The following ARFGEF1 variants were observed in gnomAD, a reference collection of about 807,000 sequenced individuals.
The protein encoded by ARFGEF1 is brefeldin A-inhibited guanine nucleotide-exchange protein 1.
In ARFGEF1, 42 loss-of-function variants were observed where a neutral mutation model predicts 231.0. That is an observed-to-expected ratio of 0.18 (90% CI 0.14 to 0.24). ARFGEF1 has a LOEUF of 0.24. Ranked by LOEUF, ARFGEF1 falls within the 10% of genes least tolerant of loss-of-function variation. The pLI is 1.00. For missense variants in ARFGEF1, 1,345 were observed against 2,192.0 expected (o/e 0.61, Z 7.72); for synonymous variants, 710 against 732.3 (o/e 0.97, Z 0.49).
downstream of ARFGEF1, chr8:67,195,442 C>T (rs1263195871): frequency 5.0e-6 from 8 of 1,614,198 alleles, no homozygotes; most frequent in Non-Finnish European, 6.8e-6. Flanking sequence ...GATGACGGAT[C>T]AAACTCTGTA....
chr8:67,337,005 C>A (rs1442617271), intron 1 of ARFGEF1, among the ~76,000 whole-genome samples: 1 of 151,786 alleles, frequency 6.6e-6, no homozygotes, highest in Non-Finnish European at 1.5e-5. Flanking sequence ...GGTAGCGCTA[C>A]ACGAGATTAG....
At chr8:67,238,610 C>A in intron 21 of ARFGEF1, 117 bp from the exon 22 acceptor site, 1 of 1,418,066 alleles carries the variant, frequency 7.1e-7, no homozygotes, top group Non-Finnish European at 9.5e-7. Context: ...TTTTAAAAAG[C>A]TAAACGTACT....
intron 7 of ARFGEF1, among the ~76,000 whole-genome samples, chr8:67,281,023 A>G (rs142866097): frequency 7.3e-6 from 1 of 136,254 alleles, no homozygotes; most frequent in South Asian, 2.3e-4. Flanking sequence ...AAAGTGCTAT[A>G]AAAAAAAAAA....
At chr8:67,317,360 A>C (rs1298871410) in intron 1 of ARFGEF1, among the ~76,000 whole-genome samples, 1 of 152,116 alleles carries the variant, frequency 6.6e-6, no homozygotes, top group Admixed American at 6.6e-5. Context: ...CTGGTATCTG[A>C]AGTGAAAACA....
intron 14 of ARFGEF1, among the ~76,000 whole-genome samples, chr8:67,265,456 A>G (rs1233127143): frequency 1.3e-5 from 2 of 152,194 alleles, no homozygotes; most frequent in African/African-American, 2.4e-5. Flanking sequence ...GGTGACATTC[A>G]CAAAGGAAAT....
intron 35 of ARFGEF1, among the ~76,000 whole-genome samples, 198 bp downstream of exon 35, chr8:67,204,482 T>C (rs1020103409): frequency 1.3e-5 from 2 of 152,192 alleles, no homozygotes; most frequent in Admixed American, 1.3e-4. Context: ...ATGAGGTCCC[T>C]AGTAATCAGT....
intron 1 of ARFGEF1, among the ~76,000 whole-genome samples, chr8:67,342,541 C>T (rs561616910): frequency 1.3e-5 from 2 of 152,208 alleles, no homozygotes; most frequent in Admixed American, 1.3e-4. Context: ...CACCCTCACC[C>T]CTTAACCACC....
Position 67,266,164 on chromosome 8 carries a change from G to T in ARFGEF1, c.1965C>A (p.His655Gln). 1.2e-6 allele frequency: 2 copies of T among 1,613,552 alleles called. No homozygotes were observed. Among genetic ancestry groups the T allele is most frequent in the Non-Finnish European group, 1.7e-6 (2 of 1,179,812 alleles). The change falls in exon 14 of 39, where the codon CAC (histidine) becomes CAA (glutamine). Residue 655 changes from histidine (H) to glutamine (Q), a missense_variant. This residue lies in a region of ARFGEF1 where 105 missense variants were observed against 159.3 expected (regional missense o/e 0.66). Coordinates refer to ENST00000262215, the MANE Select transcript of ARFGEF1 (RefSeq NM_006421.5). ...PSEQEMSEIK[H>Q]PETINRYGSL... Reference sequence around the variant, plus strand: ...TTCCGTATCTGTTTATTGTCTCAGGGTGTTTGATTTCACTCATCTCTTGCT... The same window carrying T: ...TTCCGTATCTGTTTATTGTCTCAGGTTGTTTGATTTCACTCATCTCTTGCT...
At chr8:67,236,363 A>ATAT (rs1298123826) in intron 22 of ARFGEF1, among the ~76,000 whole-genome samples, 7 of 37,680 alleles carry the variant, frequency 1.9e-4, no homozygotes, top group Admixed American at 5.7e-4. Flanking sequence ...AAAAAAAAAA[A>ATAT]AAATATATAT....
chr8:67,176,583 T>C (rs1244950539), intron 5 of ARFGEF1, among the ~76,000 whole-genome samples: 1 of 152,200 alleles, frequency 6.6e-6, no homozygotes, highest in Non-Finnish European at 1.5e-5. Flanking sequence ...TCAACCTTTG[T>C]ACCCAGTCTG....
chr8:67,324,829 C>A lies in ARFGEF1; in HGVS notation c.124+18335G>T, dbSNP rs921328234. On this transcript the variant is annotated intron_variant, in intron 1 of 38. Transcript: ENST00000262215. Reference sequence around the variant, plus strand: ...AAAAGTATTTACATTAGCTTTTAATCCCATGGTAAAACTGGAGTTCACAGT... The same window carrying A: ...AAAAGTATTTACATTAGCTTTTAATACCATGGTAAAACTGGAGTTCACAGT... 2.6e-5 allele frequency among the ~76,000 whole-genome samples: 4 copies of A among 152,088 alleles called. No individual in the cohort carries two copies. In the East Asian group the frequency reaches 7.7e-4, roughly 29 times the overall value.
chr8:67,217,142 T>C (rs1034073446), intron 32 of ARFGEF1, among the ~76,000 whole-genome samples: 29 of 151,872 alleles, frequency 1.9e-4, no homozygotes, highest in African/African-American at 6.5e-4. Flanking sequence ...CCATCTCAAC[T>C]AAAAATACAA....
chr8:67,252,145 G>A (rs1034751732), intron 18 of ARFGEF1, among the ~76,000 whole-genome samples: 7 of 151,984 alleles, frequency 4.6e-5, no homozygotes, highest in Admixed American at 2.0e-4. Context: ...GGTGGCGCAC[G>A]CCTGTAATCC....
intron 34 of ARFGEF1, among the ~76,000 whole-genome samples, chr8:67,209,901 C>T (rs2129577707): frequency 6.6e-6 from 1 of 152,002 alleles, no homozygotes; most frequent in East Asian, 1.9e-4. Flanking sequence ...GCCTGTAATC[C>T]CAGCACTTTG....
chr8:67,226,098 T>C lies in ARFGEF1; in HGVS notation c.4002A>G (p.Ala1334=), dbSNP rs1165373234. 3.1e-6 allele frequency: 5 copies of C among 1,613,238 alleles called. No homozygotes were observed. Among genetic ancestry groups the C allele is most frequent in the African/African-American group, 1.3e-5 (1 of 74,902 alleles). Residue 1334 remains alanine, a synonymous_variant, in exon 28 of 39, where the codon GCA becomes GCG. Coordinates refer to ENST00000262215, the MANE Select transcript of ARFGEF1 (RefSeq NM_006421.5). The part of the protein sequence containing the change: ...VKCLSEFACN[A]AFPDTSMEAI... The stretch of plus-strand genomic sequence containing the variant: ...CTTCCATACTTGTGTCTGGGAAAGC[T>C]GCATTGCACGCAAATTCAGACAAAC...
intron 14 of ARFGEF1, among the ~76,000 whole-genome samples, chr8:67,262,921 A>G (rs1804695176): frequency 6.6e-6 from 1 of 152,198 alleles, no homozygotes; most frequent in Non-Finnish European, 1.5e-5. Flanking sequence ...GTGACTCACT[A>G]TATTGCAATA....
rs1308474578 is a variant in ARFGEF1, at chr8:67,222,190, T to TATACACACAC, written c.4209-2631_4209-2630insGTGTGTGTAT. On this transcript the variant is annotated intron_variant, in intron 29 of 38. Coordinates refer to ENST00000262215, the MANE Select transcript of ARFGEF1 (RefSeq NM_006421.5). ...ATATATATATATATACACATATATA[T>TATACACACAC]ATATATATATATATACACACACATA... Among the ~76,000 whole-genome samples the TATACACACAC allele has an allele frequency of 4.0e-4, 54 of 134,926 alleles. 1 individual carries two copies. The highest frequency in any genetic ancestry group is 1.4e-3 in the African/African-American group (48 of 33,118). The allele number at this position is 134,926 out of a possible 152,430, so 88.5% of individuals were successfully genotyped here.
intron 1 of ARFGEF1, among the ~76,000 whole-genome samples, chr8:67,337,734 AC>A (rs1186379223): frequency 6.6e-6 from 1 of 152,150 alleles, no homozygotes; most frequent in East Asian, 1.9e-4. Flanking sequence ...CACAGATAGG[AC>A]TTTCCTGACA....
At position 67,181,979 on chromosome 8, in the gene ARFGEF1, C is replaced by T. The variant is rs188800115; in HGVS notation, c.561-6407G>A. On this transcript the variant is annotated intron_variant, in intron 5 of 5. Coordinates refer to the ARFGEF1 transcript ENST00000518789. Reference sequence around the variant, plus strand: ...TTCACATAACATCTTTGAGGTTTATCCATGTTATAGCATGTGTCAGATTTT... The same window carrying T: ...TTCACATAACATCTTTGAGGTTTATTCATGTTATAGCATGTGTCAGATTTT... Among the ~76,000 whole-genome samples, 24 of 152,148 alleles carry T rather than the reference C, an allele frequency of 1.6e-4. No individual in the cohort carries two copies. In the East Asian group the frequency reaches 4.6e-3, roughly 29 times the overall value.
Sources: allele counts gnomAD v4.1 joint callset (sites outside exome capture counted in the v4.1 genomes callset), GRCh38; gene constraint gnomAD v4.1.1; regional missense constraint gnomAD v4.1.1; transcripts MANE v1.5; gene names NCBI Gene and HGNC (gene_info 2026-07-23, HGNC 2026-07-21).